GNA12: variants seen among roughly 807,000 people sequenced by gnomAD.
The protein encoded by GNA12 is G protein subunit alpha 12.
A neutral mutation model predicts 26.0 loss-of-function variants in GNA12; 9 were observed. The ratio of observed to expected loss-of-function variants is 0.35; its 90% CI spans 0.21 to 0.60. The LOEUF (loss-of-function observed/expected upper bound fraction) is 0.60. Ranked by LOEUF, GNA12 falls within the 20% of genes least tolerant of loss-of-function variation. The pLI, the probability that GNA12 is intolerant of heterozygous loss-of-function variation, is 0.78. For synonymous variants in GNA12, 264 were observed against 219.6 expected (o/e 1.20, Z -1.79); for missense variants, 405 against 525.8 (o/e 0.77, Z 2.25).
At position 2,844,235 on chromosome 7, in the gene GNA12, G is replaced by A. The variant is rs1415676281; in HGVS notation, c.-74C>T. On this transcript the variant is annotated 5_prime_UTR_variant, in exon 1 of 4. Transcript: ENST00000275364. The stretch of plus-strand genomic sequence containing the variant: ...CGCTCCCGCCGGCGAGGGCGAGCCC[G>A]GGCCGAGGCACCGCCCCACGCCCCG... 1 of 748,224 alleles carries A rather than the reference G, an allele frequency of 1.3e-6. No homozygotes were observed. The highest frequency in any genetic ancestry group is 1.9e-5 in the African/African-American group (1 of 52,278). The allele number at this position is 748,224 out of a possible 1,614,324, so 46.3% of individuals were successfully genotyped here. A position where few individuals can be genotyped will look rare whatever the true frequency, so the allele number is the denominator to read the frequency against.
At chr7:2,744,801 A>C (rs905463779) in intron 2 of GNA12, among the ~76,000 whole-genome samples, 1 of 152,198 alleles carries the variant, frequency 6.6e-6, no homozygotes, top group Non-Finnish European at 1.5e-5. Flanking sequence ...TAACTAGAAT[A>C]ACCAATGCAG....
chr7:2,827,525 G>A (rs1562447835), intron 1 of GNA12, among the ~76,000 whole-genome samples: 1 of 152,192 alleles, frequency 6.6e-6, no homozygotes. Context: ...CACCTAAACT[G>A]AGGGAATAAC....
chr7:2,730,504 C>T lies in GNA12; in HGVS notation c.*677G>A, dbSNP rs1263039353. 3 of 152,390 alleles carry T rather than the reference C, an allele frequency of 2.0e-5. No individual in the cohort carries two copies. Among genetic ancestry groups the T allele is most frequent in the African/African-American group, 7.2e-5 (3 of 41,428 alleles). 9.4% of individuals were successfully genotyped at this position (152,390 alleles called of 1,614,324 possible). A position where few individuals can be genotyped will look rare whatever the true frequency, so the allele number is the denominator to read the frequency against. ...ATCCACACCTGCAGAGCTCTGCAGC[C>T]CGTCCTCAGAGCTGGGAAGGGATCC... On this transcript the variant is annotated 3_prime_UTR_variant, in exon 4 of 4. Transcript: ENST00000275364.
chr7:2,805,497 G>A (rs1016049857), intron 1 of GNA12, among the ~76,000 whole-genome samples: 3 of 152,178 alleles, frequency 2.0e-5, no homozygotes, highest in Non-Finnish European at 4.4e-5. Context: ...TTGACCGCGC[G>A]GGCTCAAGCT....
chr7:2,779,455 A>G (rs931727526), intron 2 of GNA12, among the ~76,000 whole-genome samples: 2 of 151,892 alleles, frequency 1.3e-5, no homozygotes, highest in South Asian at 2.1e-4. Flanking sequence ...GGCTACAGTG[A>G]GCTATGATCA....
intron 2 of GNA12, among the ~76,000 whole-genome samples, chr7:2,739,626 T>A (rs1171977712): frequency 6.6e-6 from 1 of 152,308 alleles, no homozygotes; most frequent in Middle Eastern, 3.4e-3. Flanking sequence ...GAATATCTGT[T>A]TTCATTTCTT....
intron 2 of GNA12, 52 bp from the exon 3 acceptor site, chr7:2,733,553 T>G: frequency 7.0e-7 from 1 of 1,420,038 alleles, no homozygotes; most frequent in Non-Finnish European, 9.9e-7. Context: ...GGAATCCTGA[T>G]GTGGCAAATA....
intron 2 of GNA12, among the ~76,000 whole-genome samples, chr7:2,771,267 G>C (rs960055442): frequency 3.9e-5 from 6 of 151,966 alleles, no homozygotes; most frequent in Non-Finnish European, 5.9e-5. Context: ...CTTCAGCCTG[G>C]GCGACAGAGC....
intron 3 of GNA12, among the ~76,000 whole-genome samples, chr7:2,732,252 A>G (rs1264253656): frequency 1.3e-5 from 2 of 152,298 alleles, no homozygotes; most frequent in East Asian, 3.9e-4. Context: ...TTGACTTTGC[A>G]CTATTAATAA....
At chr7:2,743,102 A>C (rs1195354295) in intron 2 of GNA12, among the ~76,000 whole-genome samples, 1 of 152,218 alleles carries the variant, frequency 6.6e-6, no homozygotes, top group Non-Finnish European at 1.5e-5. Context: ...GGAACACTCC[A>C]AAAAGAAAAG....
At chr7:2,740,768 G>A (rs559722033) in intron 2 of GNA12, among the ~76,000 whole-genome samples, 4 of 152,274 alleles carry the variant, frequency 2.6e-5, no homozygotes, top group South Asian at 2.1e-4. Context: ...TTTAGGGCTC[G>A]CCGCGGTGAC....
intron 1 of GNA12, among the ~76,000 whole-genome samples, chr7:2,840,782 G>A (rs1189138426): frequency 2.6e-5 from 4 of 152,086 alleles, no homozygotes; most frequent in African/African-American, 7.2e-5. Flanking sequence ...CCCACGAGGC[G>A]ACGCAAGGCC....
chr7:2,807,601 T>G (rs2115476564), intron 1 of GNA12, among the ~76,000 whole-genome samples: 1 of 150,518 alleles, frequency 6.6e-6, no homozygotes, highest in East Asian at 1.9e-4. Flanking sequence ...AAAAAAAACC[T>G]AGCCAGGATA....
At chr7:2,741,477 T>C (rs762817286) in intron 2 of GNA12, among the ~76,000 whole-genome samples, 6 of 152,212 alleles carry the variant, frequency 3.9e-5, no homozygotes, top group Non-Finnish European at 8.8e-5. Context: ...ATGTCACAGT[T>C]GGACTGCCTG....
intron 2 of GNA12, among the ~76,000 whole-genome samples, chr7:2,736,319 C>T (rs963944519): frequency 6.6e-5 from 10 of 152,142 alleles, no homozygotes; most frequent in African/African-American, 1.4e-4. Flanking sequence ...TCTCGGGACT[C>T]TCCTTGGTGT....
rs376197493 is a variant in GNA12 at position 2,737,669 on chromosome 7, G to C, written c.526-4168C>G. Among the ~76,000 whole-genome samples, 77 of 152,240 alleles carry C rather than the reference G, an allele frequency of 5.1e-4. 1 individual carries two copies. The East Asian group carries it at 7.9e-3, about 16-fold the overall frequency. On this transcript the variant is annotated intron_variant, in intron 2 of 3. Coordinates refer to ENST00000275364, the MANE Select transcript of GNA12 (RefSeq NM_007353.3). ...CATTCACACTGTGACCGAAAACAGG[G>C]CTTGTTAATGGTGAGCTAGAGGATT... is the stretch of plus-strand genomic sequence containing the variant.
rs143560284 is a variant in GNA12 at position 2,842,521 on chromosome 7, C to G, written c.309+1332G>C. Among the ~76,000 whole-genome samples, 14 of 152,330 alleles carry G rather than the reference C, an allele frequency of 9.2e-5. No homozygotes were observed. In the East Asian group the frequency reaches 2.1e-3, roughly 23 times the overall value. The stretch of plus-strand genomic sequence containing the variant: ...CTGTGTTGCCCAGGTTGGTCTCAAA[C>G]TTCTGGCCTCAAGTGATCCTCCTGC... On this transcript the variant is annotated intron_variant, in intron 1 of 3. Transcript: ENST00000275364.
intron 2 of GNA12, among the ~76,000 whole-genome samples, chr7:2,757,826 T>A (rs1230921036): frequency 6.6e-6 from 1 of 152,130 alleles, no homozygotes; most frequent in Non-Finnish European, 1.5e-5. Flanking sequence ...GCTGAGTCAA[T>A]GAAGACATGT....
At chr7:2,748,816 A>T (rs1790888621) in intron 2 of GNA12, among the ~76,000 whole-genome samples, 1 of 152,182 alleles carries the variant, frequency 6.6e-6, no homozygotes, top group Non-Finnish European at 1.5e-5. Context: ...ATTTACAAGA[A>T]AAAAACAAAC....
Sources: allele counts gnomAD v4.1 joint callset (sites outside exome capture counted in the v4.1 genomes callset), GRCh38; gene constraint gnomAD v4.1.1; transcripts MANE v1.5; gene names NCBI Gene and HGNC (gene_info 2026-07-23, HGNC 2026-07-21).